Variants in ING5 observed in about 807,000 individuals in gnomAD.
The protein encoded by ING5 is inhibitor of growth family member 5.
ING5 carries 17 observed loss-of-function variants against 37.4 expected under a neutral mutation model. That is an observed-to-expected ratio of 0.45 (90% CI 0.31 to 0.68). The LOEUF is 0.68. Among genes scored for constraint, ING5 ranks in the 30% least tolerant of loss-of-function variants. ING5 has a pLI of 0.05. For synonymous variants in ING5, 123 were observed against 116.6 expected (o/e 1.06, Z -0.36); for missense variants, 233 against 311.9 (o/e 0.75, Z 1.91).
intron 2 of ING5, among the ~76,000 whole-genome samples, chr2:241,705,605 A>G (rs1171981730): frequency 6.6e-6 from 1 of 150,976 alleles, no homozygotes; most frequent in Admixed American, 6.6e-5. Context: ...CACCATGTTC[A>G]CCATGTTAGC....
intron 5 of ING5, chr2:241,720,590 CGGGGCT>C: frequency 1.0e-6 from 1 of 986,474 alleles, no homozygotes; most frequent in South Asian, 4.7e-5. Context: ...CCTGGAATCC[CGGGGCT>C]TGGACAGGCA....
intron 1 of ING5, among the ~76,000 whole-genome samples, chr2:241,703,822 T>C (rs1575121607): frequency 6.6e-6 from 1 of 152,108 alleles, no homozygotes. Flanking sequence ...GCCAGGCTGG[T>C]CTTGAACTCC....
At chr2:241,689,273 C>T (rs1205876482) in intron 1 of ING5, among the ~76,000 whole-genome samples, 1 of 152,000 alleles carries the variant, frequency 6.6e-6, no homozygotes, top group Non-Finnish European at 1.5e-5. Flanking sequence ...CCACCACGCC[C>T]AGCTAATTTT....
intron 3 of ING5, among the ~76,000 whole-genome samples, chr2:241,709,746 A>T (rs1032398582): frequency 2.0e-5 from 3 of 151,860 alleles, no homozygotes; most frequent in Admixed American, 6.6e-5. Context: ...AGCTGTGATT[A>T]CAGGCATGCA....
chr2:241,687,172 A>G, exon 1 of ING5: 1 of 392,458 alleles, frequency 2.5e-6, no homozygotes, highest in Non-Finnish European at 4.5e-6. Flanking sequence ...CTGCCCGCCC[A>G]GCGTCGGCTC....
rs900284435 is a variant in ING5, at chr2:241,706,498, G to A, written c.109+1774G>A. The stretch of plus-strand genomic sequence containing the variant: ...TACAAAATTAGCCGGGTGTGGTGGC[G>A]CACGCCTATAATCCCAGCTAATTGG... On this transcript the variant is annotated intron_variant, in intron 2 of 7. Coordinates refer to ENST00000313552, the MANE Select transcript of ING5 (RefSeq NM_032329.6). Among the ~76,000 whole-genome samples the A allele has an allele frequency of 1.1e-4, 16 of 151,724 alleles. 1 individual carries two copies. Among genetic ancestry groups the A allele is most frequent in the Admixed American group, 7.9e-4 (12 of 15,208 alleles).
At chr2:241,710,438 G>A (rs976151417) in intron 3 of ING5, among the ~76,000 whole-genome samples, 2 of 151,974 alleles carry the variant, frequency 1.3e-5, no homozygotes, top group Admixed American at 1.3e-4. Context: ...AAGTAGCTGG[G>A]ATTACAGGTG....
In ING5 at chr2:241,727,398, C is replaced by G. The variant is rs567583496; in HGVS notation, c.*2367C>G. The G allele has an allele frequency of 6.6e-6, 1 of 152,376 alleles. No individual in the cohort carries two copies. The highest frequency in any genetic ancestry group is 2.1e-4 in the South Asian group (1 of 4,842). The allele number at this position is 152,376 out of a possible 1,614,324, so 9.4% of individuals were successfully genotyped here. On this transcript the variant is annotated 3_prime_UTR_variant, in exon 8 of 8. Coordinates refer to ENST00000313552, the MANE Select transcript of ING5 (RefSeq NM_032329.6). ...GCACCATCTTGGCTCACTGCAACCTCTGCTTCCTGGGTTCAAGTGATTCTC... is the reference window on the plus strand; with the variant it reads ...GCACCATCTTGGCTCACTGCAACCTGTGCTTCCTGGGTTCAAGTGATTCTC...
upstream of ING5, among the ~76,000 whole-genome samples, chr2:241,701,494 C>A (rs2069724209): frequency 6.6e-6 from 1 of 152,164 alleles, no homozygotes; most frequent in African/African-American, 2.4e-5. Flanking sequence ...AGGGCCCAGG[C>A]CCTGAGGGAG....
At chr2:241,713,328 G>A (rs1216121619) in intron 5 of ING5, among the ~76,000 whole-genome samples, 1 of 149,416 alleles carries the variant, frequency 6.7e-6, no homozygotes, top group African/African-American at 2.5e-5. Flanking sequence ...AAAGTGCTGG[G>A]ATTACAGGCA....
intron 7 of ING5, chr2:241,723,915 C>T (rs945247611): frequency 1.1e-5 from 14 of 1,308,856 alleles, no homozygotes; most frequent in East Asian, 4.7e-5. Context: ...GAGGCGGAGG[C>T]GGGAGGATGG....
At chr2:241,722,333 CG>C (rs1355755564) in intron 5 of ING5, 5 of 985,316 alleles carry the variant, frequency 5.1e-6, no homozygotes, top group Non-Finnish European at 6.0e-6. Flanking sequence ...CAGAGGTCCC[CG>C]GGGGAGTCCT....
chr2:241,726,702 C>T lies in ING5; in HGVS notation c.*1671C>T, dbSNP rs764676011. 6.6e-6 allele frequency: 1 copy of T among 152,300 alleles called. No homozygotes were observed. The highest frequency in any genetic ancestry group is 6.5e-5 in the Admixed American group (1 of 15,286). 9.4% of individuals were successfully genotyped at this position (152,300 alleles called of 1,614,324 possible). On this transcript the variant is annotated 3_prime_UTR_variant, in exon 8 of 8. Coordinates refer to ENST00000313552, the MANE Select transcript of ING5 (RefSeq NM_032329.6). Reference sequence around the variant, plus strand: ...GGGGCTCCCTCCAAGCGGTGCCTTCCTGCGGCTTAGAAGGGAAAGCGCCAG... The same window carrying T: ...GGGGCTCCCTCCAAGCGGTGCCTTCTTGCGGCTTAGAAGGGAAAGCGCCAG...
intron 2 of ING5, among the ~76,000 whole-genome samples, chr2:241,690,967 C>G (rs532682037): frequency 6.6e-6 from 1 of 151,762 alleles, no homozygotes. Flanking sequence ...GCCACAACAC[C>G]CGGCTAATTT....
chr2:241,708,662 T>A (rs1429932136), intron 2 of ING5, among the ~76,000 whole-genome samples: 1 of 152,222 alleles, frequency 6.6e-6, no homozygotes, highest in East Asian at 1.9e-4. Flanking sequence ...TGTGTGGCTG[T>A]AGTTTGCTCT....
chr2:241,697,943 C>T (rs972467402), upstream of ING5, among the ~76,000 whole-genome samples: 2 of 151,984 alleles, frequency 1.3e-5, no homozygotes, highest in East Asian at 1.9e-4. Flanking sequence ...CTTAGCCAGG[C>T]GTGGTGGTGC....
At chr2:241,704,064 C>T (rs1317368816) in intron 1 of ING5, among the ~76,000 whole-genome samples, 1 of 152,174 alleles carries the variant, frequency 6.6e-6, no homozygotes, top group Non-Finnish European at 1.5e-5. Context: ...GGGGGGGCAG[C>T]CTAGAGGGTG....
chr2:241,728,119 C>G lies in ING5; in HGVS notation c.*3088C>G, dbSNP rs1056142793. 5 of 152,262 alleles carry G rather than the reference C, an allele frequency of 3.3e-5. No individual in the cohort carries two copies. The highest frequency in any genetic ancestry group is 5.9e-5 in the Non-Finnish European group (4 of 68,052). The allele number at this position is 152,262 out of a possible 1,614,324, so 9.4% of individuals were successfully genotyped here. ...GGCTGTAGTTTGGACCCAACTGAAT[C>G]CTGAGTGCTCTGTGGCTGACGCTGT... On this transcript the variant is annotated 3_prime_UTR_variant, in exon 8 of 8. Transcript: ENST00000313552.
chr2:241,720,927 C>T, intron 5 of ING5: 1 of 985,652 alleles, frequency 1.0e-6, no homozygotes, highest in South Asian at 4.7e-5. Context: ...GTGGCCTCAG[C>T]TTCTGGGGTG....
Sources: gnomAD v4.1 joint callset for allele counts (sites outside exome capture counted in the v4.1 genomes callset) on GRCh38, gnomAD v4.1.1 for gene constraint, MANE v1.5 for transcripts, NCBI Gene and HGNC (gene_info 2026-07-23, HGNC 2026-07-21) for gene names.